The following ERG variants were observed in gnomAD, a reference collection of about 807,000 sequenced individuals.
The protein encoded by ERG is transcriptional regulator ERG.
Under a neutral mutation model 55.3 loss-of-function variants are expected in ERG, and 9 were observed. That is an observed-to-expected ratio of 0.16 (90% CI 0.10 to 0.28). ERG has a LOEUF of 0.28. Ranked by LOEUF, ERG falls within the 10% of genes least tolerant of loss-of-function variation. ERG has a pLI of 1.00. For missense variants in ERG, 434 were observed against 631.6 expected, an observed-to-expected ratio of 0.69 and a Z score of 3.35; for synonymous variants, 223 against 237.3, an observed-to-expected ratio of 0.94 and a Z score of 0.55.
At chr21:38,602,446 AAAAT>A (rs1434174094) in intron 1 of ERG, among the ~76,000 whole-genome samples, 1 of 152,038 alleles carries the variant, frequency 6.6e-6, no homozygotes, top group Non-Finnish European at 1.5e-5. Context: ...CTCTGTCTCA[AAAAT>A]AAATAAATAC....
At chr21:38,657,332 A>G (rs1308285841) in intron 1 of ERG, among the ~76,000 whole-genome samples, 1 of 152,244 alleles carries the variant, frequency 6.6e-6, no homozygotes, top group Non-Finnish European at 1.5e-5. Flanking sequence ...AGGGTCTCCC[A>G]GATTATGACA....
At chr21:38,518,630 T>C (rs1036089334) in intron 2 of ERG, among the ~76,000 whole-genome samples, 1 of 152,080 alleles carries the variant, frequency 6.6e-6, no homozygotes, top group African/African-American at 2.4e-5. Context: ...CAAAAATTGA[T>C]GTCAGATAAA....
At chr21:38,417,803 A>T (rs764026304) in intron 3 of ERG, among the ~76,000 whole-genome samples, 4 of 152,106 alleles carry the variant, frequency 2.6e-5, no homozygotes, top group Non-Finnish European at 5.9e-5. Flanking sequence ...TAAATAAATA[A>T]ATAAAAAATA....
chr21:38,490,244 T>C (rs1401567313), intron 1 of ERG, among the ~76,000 whole-genome samples: 4 of 151,568 alleles, frequency 2.6e-5, no homozygotes, highest in Admixed American at 2.6e-4. Flanking sequence ...CAAACTGTTG[T>C]AGAAATTGAA....
intron 1 of ERG, among the ~76,000 whole-genome samples, chr21:38,583,989 G>A (rs2060046479): frequency 2.6e-5 from 4 of 152,202 alleles, no homozygotes; most frequent in South Asian, 4.1e-4. Flanking sequence ...AGGGACTTAC[G>A]AAAGTCACTT....
At chr21:38,367,358 T>C in the ERG span, among the ~76,000 whole-genome samples, 1 of 152,162 alleles carries the variant, frequency 6.6e-6, no homozygotes, top group Non-Finnish European at 1.5e-5. Flanking sequence ...CTCACGTGGG[T>C]GGCTGGTGGC....
chr21:38,381,677 A>G lies in ERG; in HGVS notation c.*1726T>C. On this transcript the variant is annotated 3_prime_UTR_variant, in exon 10 of 10. Transcript: ENST00000288319. ...ACTGTTCAACAAATGTATTTTAATC[A>G]TAGCAGGAATTAAGGGTGATTTGTG... 3.8e-6 allele frequency: 4 copies of G among 1,063,714 alleles called. No individual in the cohort carries two copies. Among genetic ancestry groups the G allele is most frequent in the Non-Finnish European group, 4.6e-6 (4 of 878,334 alleles). The allele number at this position is 1,063,714 out of a possible 1,614,324, so 65.9% of individuals were successfully genotyped here. A position where few individuals can be genotyped will look rare whatever the true frequency, so the allele number is the denominator to read the frequency against.
intron 3 of ERG, among the ~76,000 whole-genome samples, chr21:38,417,799 A>C (rs1360659701): frequency 3.3e-5 from 5 of 152,102 alleles, no homozygotes; most frequent in African/African-American, 1.2e-4. Context: ...AAAATAAATA[A>C]ATAAATAAAA....
chr21:38,458,864 C>T (rs1429220299), intron 1 of ERG, among the ~76,000 whole-genome samples: 1 of 152,196 alleles, frequency 6.6e-6, no homozygotes. Context: ...ACTGTCCTGC[C>T]ACGATTAGGA....
intron 2 of ERG, among the ~76,000 whole-genome samples, chr21:38,558,137 G>C (rs73440129): frequency 0.017 from 2,559 of 152,018 alleles, 70 homozygotes; most frequent in African/African-American, 0.058. Flanking sequence ...AATCTGCTGA[G>C]GGTGGCCCCA....
intron 2 of ERG, among the ~76,000 whole-genome samples, chr21:38,430,258 G>C (rs1292213425): frequency 6.6e-6 from 1 of 151,938 alleles, no homozygotes; most frequent in Non-Finnish European, 1.5e-5. Flanking sequence ...ATTTTTTGAT[G>C]AAATTATTTA....
At chr21:38,610,443 A>C (rs1159232144) in intron 1 of ERG, among the ~76,000 whole-genome samples, 1 of 152,196 alleles carries the variant, frequency 6.6e-6, no homozygotes, top group Non-Finnish European at 1.5e-5. Context: ...CCACAGATCA[A>C]CTGGGCCCAA....
chr21:38,375,218 T>C (rs73437659), downstream of ERG, among the ~76,000 whole-genome samples: 15 of 152,334 alleles, frequency 9.8e-5, no homozygotes, highest in African/African-American at 3.6e-4. Flanking sequence ...GATCAGGTTC[T>C]GTTTGGTTCC....
chr21:38,599,664 T>A (rs2060152846), intron 1 of ERG, among the ~76,000 whole-genome samples: 1 of 152,178 alleles, frequency 6.6e-6, no homozygotes, highest in Non-Finnish European at 1.5e-5. Flanking sequence ...GCAAAGAATC[T>A]TGAAACAGGA....
Position 38,400,620 on chromosome 21 carries a change from A to T in ERG, c.699T>A (p.Asn233Lys). The change falls in exon 6 of 10, where the codon AAT becomes AAA. Residue 233 changes from asparagine to lysine, a missense_variant. Asn to Lys is a moderately conservative substitution (Grantham distance 94). Transcript: ENST00000288319. ...NTGGAAFIFP[N>K]TSVYPEATQR... The stretch of plus-strand genomic sequence containing the variant: ...GCGTAGCTTCAGGATATACTGAAGT[A>T]TTTGGGAAAATAAAAGCTGCACCCC... The T allele has an allele frequency of 6.2e-7, 1 of 1,606,774 alleles. No individual in the cohort carries two copies. Among genetic ancestry groups the T allele is most frequent in the South Asian group, 1.1e-5 (1 of 90,954 alleles).
the ERG span, among the ~76,000 whole-genome samples, chr21:38,369,676 A>G: frequency 6.6e-6 from 1 of 152,086 alleles, no homozygotes; most frequent in Admixed American, 6.6e-5. Flanking sequence ...TGGCATCTTC[A>G]TCATGAAACC....
intron 9 of ERG, among the ~76,000 whole-genome samples, chr21:38,387,601 AAT>A (rs1332012517): frequency 2.0e-5 from 3 of 152,190 alleles, no homozygotes; most frequent in Non-Finnish European, 2.9e-5. Context: ...TCAGTACTTG[AAT>A]GGTCTTGTCA....
chr21:38,529,167 G>A (rs1234983557), intron 2 of ERG, among the ~76,000 whole-genome samples: 1 of 152,126 alleles, frequency 6.6e-6, no homozygotes, highest in African/African-American at 2.4e-5. Context: ...CCACATTGCC[G>A]AGGGAAGTAT....
intron 3 of ERG, among the ~76,000 whole-genome samples, chr21:38,417,581 G>A (rs1989335180): frequency 6.6e-6 from 1 of 152,154 alleles, no homozygotes; most frequent in South Asian, 2.1e-4. Context: ...CTGAGGTCAG[G>A]AGTTTGAGAC....
Sources: allele counts gnomAD v4.1 joint callset (sites outside exome capture counted in the v4.1 genomes callset), GRCh38; gene constraint gnomAD v4.1.1; transcripts MANE v1.5; gene names NCBI Gene and HGNC (gene_info 2026-07-23, HGNC 2026-07-21).